The following DIAPH3 variants were observed in gnomAD, a reference collection of about 807,000 sequenced individuals.
DIAPH3 encodes the protein protein diaphanous homolog 3.
A neutral mutation model predicts 144.3 loss-of-function variants in DIAPH3; 117 were observed. The observed-to-expected ratio is 0.81, with a 90% CI of 0.70 to 0.95. The LOEUF is 0.95. Ranked by LOEUF, DIAPH3 falls within the 40% of genes least tolerant of loss-of-function variation. DIAPH3 has a pLI of 0.00. For synonymous variants in DIAPH3, 519 were observed against 488.9 expected (o/e 1.06, Z -0.81); for missense variants, 1,421 against 1,412.7 (o/e 1.01, Z -0.09).
chr13:59,864,097 G>C (rs1459373195), intron 21 of DIAPH3, among the ~76,000 whole-genome samples: 1 of 152,030 alleles, frequency 6.6e-6, no homozygotes, highest in Non-Finnish European at 1.5e-5. Flanking sequence ...TCATTTCAGA[G>C]TTATTTCTGT....
intron 27 of DIAPH3, among the ~76,000 whole-genome samples, chr13:59,703,492 C>T (rs2034231295): frequency 6.6e-6 from 1 of 152,104 alleles, no homozygotes; most frequent in African/African-American, 2.4e-5. Context: ...TGAGAGTCTT[C>T]CTGTTCACCT....
At chr13:59,701,458 G>A (rs1031719204) in intron 27 of DIAPH3, among the ~76,000 whole-genome samples, 3 of 152,142 alleles carry the variant, frequency 2.0e-5, no homozygotes, top group African/African-American at 7.2e-5. Flanking sequence ...CTTCCAAATT[G>A]TAACCTAGGT....
At chr13:59,774,318 GACAT>G (rs913311740) in intron 26 of DIAPH3, 70 bp from the exon 27 acceptor site, 1 of 1,299,696 alleles carries the variant, frequency 7.7e-7, no homozygotes, top group African/African-American at 1.5e-5. Flanking sequence ...AACAGTATTA[GACAT>G]ACTTTTTTCC....
intron 27 of DIAPH3, among the ~76,000 whole-genome samples, chr13:59,736,913 A>G (rs2036182601): frequency 6.6e-6 from 1 of 152,346 alleles, no homozygotes; most frequent in Admixed American, 6.5e-5. Flanking sequence ...AGAATTCCCT[A>G]TTCAATAAAT....
chr13:60,077,364 A>G (rs1329120011), intron 4 of DIAPH3, among the ~76,000 whole-genome samples: 1 of 152,148 alleles, frequency 6.6e-6, no homozygotes, highest in Non-Finnish European at 1.5e-5. Flanking sequence ...TGCCAACTAT[A>G]AGATATTCCC....
At chr13:60,160,042 G>A (rs921152776) in intron 1 of DIAPH3, among the ~76,000 whole-genome samples, 9 of 152,086 alleles carry the variant, frequency 5.9e-5, no homozygotes, top group Non-Finnish European at 1.0e-4. Flanking sequence ...TGGTTAACAC[G>A]GTTAACCCCG....
intron 21 of DIAPH3, among the ~76,000 whole-genome samples, chr13:59,870,208 AAAAG>A (rs1334246598): frequency 6.6e-6 from 1 of 151,800 alleles, no homozygotes; most frequent in African/African-American, 2.4e-5. Context: ...CCTTTTCTTT[AAAAG>A]AAAGACTATT....
At chr13:59,917,351 C>T (rs1362658197) in intron 18 of DIAPH3, among the ~76,000 whole-genome samples, 1 of 152,092 alleles carries the variant, frequency 6.6e-6, no homozygotes, top group Non-Finnish European at 1.5e-5. Flanking sequence ...CAAAGGATGA[C>T]TATTTTTTAT....
intron 4 of DIAPH3, among the ~76,000 whole-genome samples, chr13:60,082,327 T>C (rs1403015603): frequency 7.0e-6 from 1 of 143,770 alleles, no homozygotes; most frequent in Non-Finnish European, 1.5e-5. Context: ...TAGACAAAAA[T>C]CCAACATACA....
chr13:59,848,109 C>T lies in DIAPH3; in HGVS notation c.2738-8661G>A, dbSNP rs1394318226. Among the ~76,000 whole-genome samples, 4 of 152,150 alleles carry T rather than the reference C, an allele frequency of 2.6e-5. No individual in the cohort carries two copies. In the East Asian group the frequency reaches 7.7e-4, roughly 29 times the overall value. On this transcript the variant is annotated intron_variant, in intron 22 of 27. Coordinates refer to ENST00000400324, the MANE Select transcript of DIAPH3 (RefSeq NM_001042517.2). ...TACCACCCTCACTACTCTTCCCGATCCAAGCCAACATTATTCCTCCTCTAG... is the reference window on the plus strand; with the variant it reads ...TACCACCCTCACTACTCTTCCCGATTCAAGCCAACATTATTCCTCCTCTAG...
intron 7 of DIAPH3, among the ~76,000 whole-genome samples, chr13:60,012,171 A>G (rs61956752): frequency 0.021 from 3,222 of 152,324 alleles, 60 homozygotes; most frequent in Middle Eastern, 0.054. Flanking sequence ...ATAAAATCCT[A>G]TTTATAACTT....
At chr13:60,038,410 A>G (rs2141161899) in intron 5 of DIAPH3, among the ~76,000 whole-genome samples, 1 of 152,224 alleles carries the variant, frequency 6.6e-6, no homozygotes, top group South Asian at 2.1e-4. Flanking sequence ...CTGTCTTTAC[A>G]CATGTGACTT....
rs183456219 is a variant in DIAPH3 at position 59,934,892 on chromosome 13, C to T, written c.2075-10022G>A. On this transcript the variant is annotated intron_variant, in intron 17 of 27. Coordinates refer to ENST00000400324, the MANE Select transcript of DIAPH3 (RefSeq NM_001042517.2). ...CCACACTTTGCATTTACACTTGATC[C>T]AAATTTTCCCTTGCTGTACATGTTC... Among the ~76,000 whole-genome samples, 4 of 152,118 alleles carry T rather than the reference C, an allele frequency of 2.6e-5. No individual in the cohort carries two copies. In the South Asian group the frequency reaches 8.3e-4, roughly 32 times the overall value.
At chr13:59,884,743 G>GA (rs559279781) in intron 20 of DIAPH3, among the ~76,000 whole-genome samples, 2 of 94,844 alleles carry the variant, frequency 2.1e-5, no homozygotes, top group East Asian at 3.0e-4. Context: ...AGAATTCTCA[G>GA]AAAAAAACAC....
chr13:59,940,402 T>A (rs553971076), intron 17 of DIAPH3, among the ~76,000 whole-genome samples: 1 of 152,252 alleles, frequency 6.6e-6, no homozygotes, highest in East Asian at 1.9e-4. Flanking sequence ...AAAGTAAAAG[T>A]TTTTGTTCAA....
chr13:59,908,586 T>G (rs1447602581), intron 20 of DIAPH3, among the ~76,000 whole-genome samples: 1 of 152,060 alleles, frequency 6.6e-6, no homozygotes, highest in Non-Finnish European at 1.5e-5. Context: ...AGAATTAAAG[T>G]TGATTATATA....
At chr13:59,700,488 C>T (rs937463516) in intron 27 of DIAPH3, among the ~76,000 whole-genome samples, 1 of 152,158 alleles carries the variant, frequency 6.6e-6, no homozygotes, top group Non-Finnish European at 1.5e-5. Flanking sequence ...AAATATTCTA[C>T]GTACTTTCTT....
chr13:59,791,211 C>T (rs1159624001), intron 25 of DIAPH3, among the ~76,000 whole-genome samples: 1 of 152,152 alleles, frequency 6.6e-6, no homozygotes, highest in South Asian at 2.1e-4. Context: ...CTCATGCAAT[C>T]CTCCCACCTC....
At chr13:60,121,801 C>T (rs1237267218) in intron 2 of DIAPH3, among the ~76,000 whole-genome samples, 1 of 152,132 alleles carries the variant, frequency 6.6e-6, no homozygotes, top group Non-Finnish European at 1.5e-5. Flanking sequence ...TATGACTCAG[C>T]TCTGCCGAAA....
Sources: gnomAD v4.1 joint callset for allele counts (sites outside exome capture counted in the v4.1 genomes callset) on GRCh38, gnomAD v4.1.1 for gene constraint, MANE v1.5 for transcripts, NCBI Gene and HGNC (gene_info 2026-07-23, HGNC 2026-07-21) for gene names.